C11orf24: variants seen among roughly 807,000 people sequenced by gnomAD.
C11orf24 encodes uncharacterized protein C11orf24.
C11orf24 carries 5 observed loss-of-function variants against 7.3 expected under a neutral mutation model. The ratio of observed to expected loss-of-function variants is 0.69; its 90% CI spans 0.36 to 1.45. The LOEUF (loss-of-function observed/expected upper bound fraction) is 1.45. Ranked by LOEUF, C11orf24 falls within the 40% of genes most tolerant of loss-of-function variation. The probability of loss-of-function intolerance (pLI) is 0.03; values close to 1 mark genes in which losing one functional copy is unlikely to be tolerated. For synonymous variants in C11orf24, 233 were observed against 235.7 expected (o/e 0.99, Z 0.11); for missense variants, 566 against 590.5 (o/e 0.96, Z 0.43).
At position 68,262,197 on chromosome 11, in the gene C11orf24, C is replaced by A. The variant is rs774750599; in HGVS notation, c.798G>T (p.Val266=). The change falls in exon 4 of 4, where the codon GTG becomes GTT. Residue 266 remains valine (V), a synonymous_variant. Transcript: ENST00000304271. ...GTGTGGATTTATTTGTTGTGTTAAC[C>A]ACAGGCTGGTCCACTGACACCTGGC... is the stretch of plus-strand genomic sequence containing the variant. ...PISQVSVDQP[V]VNTTNKSTPM... 1.9e-6 allele frequency: 3 copies of A among 1,613,166 alleles called. No homozygotes were observed. In the African/African-American group the frequency reaches 4.0e-5, roughly 22 times the overall value.
Position 68,261,620 on chromosome 11 carries a change from G to GCCT in C11orf24, c.*22_*24dup, listed in dbSNP as rs1411863078. 1 of 1,580,012 alleles carries GCCT rather than the reference G, an allele frequency of 6.3e-7. No individual in the cohort carries two copies. Among genetic ancestry groups the GCCT allele is most frequent in the South Asian group, 1.1e-5 (1 of 87,794 alleles). ...AAGGAAAGGACGAGGAAGGGGCCAG[G>GCCT]CCTCCCGCCAGGCCCCCGCCCCCCT... On this transcript the variant is annotated 3_prime_UTR_variant, in exon 4 of 4. Transcript: ENST00000304271.
At chr11:68,265,311 A>G (rs1283575101) in intron 2 of C11orf24, among the ~76,000 whole-genome samples, 1 of 152,174 alleles carries the variant, frequency 6.6e-6, no homozygotes, top group African/African-American at 2.4e-5. Context: ...GAGGGGAGGC[A>G]GGGGCAGCCA....
chr11:68,270,446 T>A (rs1476455350), intron 1 of C11orf24, among the ~76,000 whole-genome samples: 2 of 152,108 alleles, frequency 1.3e-5, no homozygotes, highest in Non-Finnish European at 2.9e-5. Flanking sequence ...TGTGGCGCAC[T>A]TTATGCAAGT....
chr11:68,265,174 G>C (rs1326560151), intron 2 of C11orf24, among the ~76,000 whole-genome samples: 1 of 152,214 alleles, frequency 6.6e-6, no homozygotes, highest in East Asian at 1.9e-4. Context: ...GAAGAGCGTG[G>C]TGAGGCGGGA....
At chr11:68,263,467 C>A in intron 3 of C11orf24, 1 of 541,994 alleles carries the variant, frequency 1.8e-6, no homozygotes. Flanking sequence ...GCAGGCCAAG[C>A]GAGCAAACCT....
intron 2 of C11orf24, chr11:68,267,700 G>GA (rs1052746404): frequency 2.0e-5 from 3 of 152,722 alleles, no homozygotes; most frequent in African/African-American, 7.2e-5. Context: ...AAAAAATACA[G>GA]AAATTGGCCA....
At chr11:68,269,169 A>G (rs1326908936) in intron 1 of C11orf24, among the ~76,000 whole-genome samples, 1 of 151,990 alleles carries the variant, frequency 6.6e-6, no homozygotes, top group East Asian at 1.9e-4. Context: ...AAAGGCTCCA[A>G]GGAAAGAAAA....
chr11:68,270,239 A>G (rs1256929888), intron 1 of C11orf24, among the ~76,000 whole-genome samples: 3 of 152,164 alleles, frequency 2.0e-5, no homozygotes, highest in Non-Finnish European at 4.4e-5. Context: ...TCCCTTCTTC[A>G]GGGGTCAGCT....
chr11:68,268,736 C>T (rs764711159), intron 1 of C11orf24, among the ~76,000 whole-genome samples: 18 of 152,178 alleles, frequency 1.2e-4, no homozygotes, highest in Non-Finnish European at 2.2e-4. Context: ...AATGCAGCAA[C>T]TTCTACTGCA....
Position 68,262,177 on chromosome 11 carries a change from G to T in C11orf24, c.818C>A (p.Ser273Tyr), listed in dbSNP as rs910739212. ...GGTTGTGTTTGAGGGCATGGGTGTG[G>T]ATTTATTTGTTGTGTTAACCACAGG... ...DQPVVNTTNK[S>Y]TPMPSNTTPE... Residue 273 changes from serine (S) to tyrosine (Y), a missense_variant, in exon 4 of 4, where the codon TCC (serine) becomes TAC (tyrosine). Physicochemically the swap from Ser to Tyr is moderately radical, Grantham distance 144. Transcript: ENST00000304271. 5.6e-6 allele frequency: 9 copies of T among 1,613,874 alleles called. No individual in the cohort carries two copies. The highest frequency in any genetic ancestry group is 1.6e-4 in the Middle Eastern group (1 of 6,062).
In C11orf24 at chr11:68,262,273, G is replaced by A; in HGVS notation, c.722C>T (p.Thr241Ile). Residue 241 changes from threonine to isoleucine, a missense_variant, in exon 4 of 4, where the codon ACC (threonine) becomes ATC (isoleucine). Coordinates refer to ENST00000304271, the MANE Select transcript of C11orf24 (RefSeq NM_022338.4). ...PSPSKHMPSD[T>I]AASPVPPMRP... is the part of the protein sequence containing the mutation. ...CATAGGGGGTACAGGGCTTGCCGCG[G>A]TGTCACTGGGCATGTGCTTGGAAGG... 1.9e-6 allele frequency: 3 copies of A among 1,613,354 alleles called. No individual in the cohort carries two copies. The highest frequency in any genetic ancestry group is 2.5e-6 in the Non-Finnish European group (3 of 1,179,334).
At chr11:68,271,200 G>T (rs1049335449) in intron 1 of C11orf24, among the ~76,000 whole-genome samples, 1 of 152,200 alleles carries the variant, frequency 6.6e-6, no homozygotes. Flanking sequence ...ATTACAGTCA[G>T]ATTTCTAAGC....
Position 68,262,358 on chromosome 11 carries a change from GTGTGGCCAA to G in C11orf24, c.628_636del (p.Leu210_Thr212del), listed in dbSNP as rs1313691595. ...GCTGTGGTCGCTACAGTCTGAGCAC[GTGTGGCCAA>G]TGTGGCCAGGGTTGCTGTTCTTGGC... On this transcript the variant is annotated inframe_deletion, in exon 4 of 4. Coordinates refer to ENST00000304271, the MANE Select transcript of C11orf24 (RefSeq NM_022338.4). The G allele has an allele frequency of 1.9e-6, 3 of 1,614,174 alleles. No homozygotes were observed. Among genetic ancestry groups the G allele is most frequent in the Non-Finnish European group, 2.5e-6 (3 of 1,180,026 alleles).
Position 68,262,765 on chromosome 11 carries a change from A to G in C11orf24, c.230T>C (p.Met77Thr), listed in dbSNP as rs1319241615. The G allele has an allele frequency of 1.2e-6, 2 of 1,614,004 alleles. No homozygotes were observed. Among genetic ancestry groups the G allele is most frequent in the Non-Finnish European group, 8.5e-7 (1 of 1,180,036 alleles). The change falls in exon 4 of 4, where the codon ATG (methionine) becomes ACG (threonine). Residue 77 changes from methionine (M) to threonine (T), a missense_variant. Physicochemically the swap from Met to Thr is moderately conservative, Grantham distance 81. Transcript: ENST00000304271. ...GCTTGTGTCCTCTGTTGTGACTTCC[A>G]TAGAGTTGAGGTGGGCTGCCGAAGT... ...KGTSAAHLNS[M>T]EVTTEDTSRT...
rs901827 is a variant in C11orf24 at position 68,262,547 on chromosome 11, C to T, written c.448G>A (p.Ala150Thr). 689,262 of 1,613,340 alleles carry T rather than the reference C, an allele frequency of 0.43. 150,007 individuals carry two copies. Among genetic ancestry groups the T allele is most frequent in the Non-Finnish European group, 0.45 (529,232 of 1,179,776 alleles). ...TTVASIAPTT[A>T]ASSMTAASST... ...GAGGCCGCAGTCATACTGGAGGCTG[C>T]AGTCGTGGGAGCAATGGAGGCCACA... The change falls in exon 4 of 4, where the codon GCA becomes ACA. Residue 150 changes from alanine to threonine, a missense_variant. Coordinates refer to ENST00000304271, the MANE Select transcript of C11orf24 (RefSeq NM_022338.4).
chr11:68,262,501 G>T lies in C11orf24; in HGVS notation c.494C>A (p.Ala165Glu), dbSNP rs1373019291. Residue 165 changes from alanine to glutamate, a missense_variant, in exon 4 of 4, where the codon GCA becomes GAA. Transcript: ENST00000304271. ...TAASSTPMTL[A>E]LPAPTSTSTG... Reference sequence around the variant, plus strand: ...GGAAGTGGACGTGGGCGCGGGGAGTGCAAGTGTCATGGGAGTGCTGGAGGC... The same window carrying T: ...GGAAGTGGACGTGGGCGCGGGGAGTTCAAGTGTCATGGGAGTGCTGGAGGC... 8.1e-6 allele frequency: 13 copies of T among 1,613,972 alleles called. No individual in the cohort carries two copies. Among genetic ancestry groups the T allele is most frequent in the African/African-American group, 2.7e-5 (2 of 74,914 alleles).
chr11:68,261,892 G>T lies in C11orf24; in HGVS notation c.1103C>A (p.Thr368Asn). ...TGPTPRSSGG[T>N]KMPATDSCQP... ...GCACGAGTCCGTGGCTGGCATCTTA[G>T]TGCCCCCTGAGCTCCTGGGTGTTGG... The change falls in exon 4 of 4, where the codon ACT (threonine) becomes AAT (asparagine). Residue 368 changes from threonine (T) to asparagine (N), a missense_variant. Physicochemically the swap from Thr to Asn is moderately conservative, Grantham distance 65. Coordinates refer to ENST00000304271, the MANE Select transcript of C11orf24 (RefSeq NM_022338.4). The T allele has an allele frequency of 6.2e-7, 1 of 1,614,040 alleles. No individual in the cohort carries two copies. The highest frequency in any genetic ancestry group is 8.5e-7 in the Non-Finnish European group (1 of 1,180,046).
Position 68,269,440 on chromosome 11 carries a change from G to C in C11orf24, c.-297-1189C>G, listed in dbSNP as rs114537816. ...ACTCAGGAGATTACAGAAACAGCTC[G>C]TCACCTCTTATCATGGGAAGGTTAT... On this transcript the variant is annotated intron_variant, in intron 1 of 3. Coordinates refer to ENST00000304271, the MANE Select transcript of C11orf24 (RefSeq NM_022338.4). Among the ~76,000 whole-genome samples, 1,480 of 152,308 alleles carry C rather than the reference G, an allele frequency of 9.7e-3. 25 individuals carry two copies. The highest frequency in any genetic ancestry group is 0.032 in the African/African-American group (1,335 of 41,570).
At chr11:68,266,296 C>T (rs977726831) in intron 2 of C11orf24, among the ~76,000 whole-genome samples, 2 of 152,344 alleles carry the variant, frequency 1.3e-5, no homozygotes, top group Admixed American at 6.5e-5. Flanking sequence ...CTTCCAGCTA[C>T]GCAAAAGCAG....
Sources: gnomAD v4.1 joint callset for allele counts (sites outside exome capture counted in the v4.1 genomes callset) on GRCh38, gnomAD v4.1.1 for gene constraint, MANE v1.5 for transcripts, NCBI Gene and HGNC (gene_info 2026-07-23, HGNC 2026-07-21) for gene names.